Variants in ZNF430 observed in about 807,000 individuals in gnomAD.
ZNF430 encodes the protein zinc finger protein 430.
In ZNF430, 35 loss-of-function variants were observed where a neutral mutation model predicts 56.7. The observed-to-expected ratio is 0.62, with a 90% confidence interval of 0.47 to 0.82. The LOEUF is 0.82. Ranked by LOEUF, ZNF430 falls within the 40% of genes least tolerant of loss-of-function variation. The probability of loss-of-function intolerance (pLI) is 0.00; values close to 1 mark genes in which losing one functional copy is unlikely to be tolerated. For synonymous variants in ZNF430, 212 were observed against 224.3 expected (o/e 0.94, Z 0.49); for missense variants, 574 against 661.0 (o/e 0.87, Z 1.44).
Position 21,058,071 on chromosome 19 carries a change from A to T in ZNF430, c.*50A>T. On this transcript the variant is annotated 3_prime_UTR_variant, in exon 5 of 5. Transcript: ENST00000261560. Reference sequence around the variant, plus strand: ...GTCCTGAATTCTTACTAAACATAAGAACATTCATACTGAAGAGGAACCCTA... The same window carrying T: ...GTCCTGAATTCTTACTAAACATAAGTACATTCATACTGAAGAGGAACCCTA... The T allele has an allele frequency of 6.6e-7, 1 of 1,526,688 alleles. No homozygotes were observed. The highest frequency in any genetic ancestry group is 1.2e-5 in the South Asian group (1 of 82,168). 94.6% of individuals were successfully genotyped at this position (1,526,688 alleles called of 1,614,324 possible). A position where few individuals can be genotyped will look rare whatever the true frequency, so the allele number is the denominator to read the frequency against.
chr19:21,042,298 T>A (rs1410143748), intron 4 of ZNF430, among the ~76,000 whole-genome samples: 1 of 152,310 alleles, frequency 6.6e-6, no homozygotes, highest in African/African-American at 2.4e-5. Flanking sequence ...TATAACAGAA[T>A]TATTTATATT....
chr19:21,050,497 G>C (rs994029784), intron 4 of ZNF430, among the ~76,000 whole-genome samples: 3 of 151,878 alleles, frequency 2.0e-5, no homozygotes, highest in Non-Finnish European at 4.4e-5. Flanking sequence ...TATTTTTTAT[G>C]ACTTGTATAT....
chr19:21,039,138 C>T (rs1418595011), intron 4 of ZNF430, among the ~76,000 whole-genome samples: 3 of 151,772 alleles, frequency 2.0e-5, no homozygotes, highest in Non-Finnish European at 4.4e-5. Flanking sequence ...TTAGTAGAGA[C>T]GGGGCTTCAC....
intron 4 of ZNF430, chr19:21,035,513 G>A (rs1404171835): frequency 9.8e-6 from 2 of 203,532 alleles, no homozygotes; most frequent in Non-Finnish European, 2.1e-5. Context: ...TTTTAAAAAT[G>A]TTTTTGACTC....
rs143513786 is a variant in ZNF430, at chr19:21,030,217, C to T, written c.97-3239C>T. On this transcript the variant is annotated intron_variant, in intron 2 of 4. Transcript: ENST00000261560. ...AAATGTATACACAATAAAAATTTCTCTAAACTACATTAAACTTTTTCTATG... is the reference window on the plus strand; with the variant it reads ...AAATGTATACACAATAAAAATTTCTTTAAACTACATTAAACTTTTTCTATG... Among the ~76,000 whole-genome samples, 1,067 of 152,228 alleles carry T rather than the reference C, an allele frequency of 7.0e-3. 13 individuals are homozygous for T. Among genetic ancestry groups the T allele is most frequent in the African/African-American group, 0.023 (975 of 41,552 alleles).
In ZNF430 at chr19:21,033,446, T is replaced by C. The variant is rs1398187989; in HGVS notation, c.97-10T>C. Reference sequence around the variant, plus strand: ...AATATACGTGTGTCTTGTGTGCTTGTGTTTTTCAGGGGCCATTGACATTTA... The same window carrying C: ...AATATACGTGTGTCTTGTGTGCTTGCGTTTTTCAGGGGCCATTGACATTTA... On this transcript the variant is annotated splice_polypyrimidine_tract_variant and intron_variant, in intron 2 of 4. Coordinates refer to ENST00000261560, the MANE Select transcript of ZNF430 (RefSeq NM_025189.4). 1.9e-6 allele frequency: 3 copies of C among 1,606,672 alleles called. No homozygotes were observed. Among genetic ancestry groups the C allele is most frequent in the African/African-American group, 2.7e-5 (2 of 74,562 alleles).
intron 2 of ZNF430, among the ~76,000 whole-genome samples, chr19:21,030,188 A>C (rs1026927673): frequency 6.6e-6 from 1 of 152,220 alleles, no homozygotes; most frequent in Non-Finnish European, 1.5e-5. Context: ...AGCCACAAAC[A>C]AGTAAATGTA....
In ZNF430 at chr19:21,058,092, C is replaced by A. The variant is rs780897896; in HGVS notation, c.*71C>A. On this transcript the variant is annotated 3_prime_UTR_variant, in exon 5 of 5. Transcript: ENST00000261560. ...TAAGAACATTCATACTGAAGAGGAACCCTATGAGTGTGAAGAATATGGCAA... is the reference window on the plus strand; with the variant it reads ...TAAGAACATTCATACTGAAGAGGAAACCTATGAGTGTGAAGAATATGGCAA... The A allele has an allele frequency of 1.5e-6, 2 of 1,378,454 alleles. No individual in the cohort carries two copies. The highest frequency in any genetic ancestry group is 1.4e-5 in the South Asian group (1 of 73,746). The allele number at this position is 1,378,454 out of a possible 1,614,324, so 85.4% of individuals were successfully genotyped here.
At chr19:21,025,143 A>G (rs182919188) in intron 2 of ZNF430, among the ~76,000 whole-genome samples, 2 of 152,228 alleles carry the variant, frequency 1.3e-5, no homozygotes, top group Non-Finnish European at 2.9e-5. Flanking sequence ...CAGAAGGAAT[A>G]AAAGAATGGC....
At chr19:21,046,049 C>T (rs937017834) in intron 4 of ZNF430, among the ~76,000 whole-genome samples, 19 of 152,042 alleles carry the variant, frequency 1.2e-4, no homozygotes, top group African/African-American at 4.6e-4. Flanking sequence ...AGGCCAGCCA[C>T]GGTGGCTTAT....
At position 21,051,407 on chromosome 19, in the gene ZNF430, C is replaced by T; in HGVS notation, c.323-5224C>T. ...TGCATTCCTTTTACCTACTGGCTTT[C>T]AGTAGCAATGCTGCAATAATTATGG... is the stretch of plus-strand genomic sequence containing the variant. On this transcript the variant is annotated intron_variant, in intron 4 of 4. Coordinates refer to ENST00000261560, the MANE Select transcript of ZNF430 (RefSeq NM_025189.4). Among the ~76,000 whole-genome samples the T allele has an allele frequency of 1.4e-5, 2 of 147,956 alleles. 1 individual carries two copies. Among genetic ancestry groups the T allele is most frequent in the Non-Finnish European group, 3.0e-5 (2 of 66,512 alleles).
At chr19:21,055,719 A>T (rs116653453) in intron 4 of ZNF430, among the ~76,000 whole-genome samples, 2 of 152,008 alleles carry the variant, frequency 1.3e-5, no homozygotes, top group African/African-American at 2.4e-5. Flanking sequence ...CTCCCAAAGT[A>T]CTGGAATTAC....
chr19:21,023,601 A>T (rs912510981), intron 2 of ZNF430, among the ~76,000 whole-genome samples: 2 of 152,174 alleles, frequency 1.3e-5, no homozygotes, highest in East Asian at 3.9e-4. Context: ...AGCTTTTAGA[A>T]TGCTACCAAG....
chr19:21,057,579 C>G lies in ZNF430; in HGVS notation c.1271C>G (p.Thr424Ser), dbSNP rs778902529. 13 of 1,613,236 alleles carry G rather than the reference C, an allele frequency of 8.1e-6. No homozygotes were observed. The East Asian group carries it at 2.9e-4, about 36-fold the overall frequency. The change falls in exon 5 of 5, where the codon ACT becomes AGT. Residue 424 changes from threonine to serine, a missense_variant. Physicochemically the swap from Thr to Ser is moderately conservative, Grantham distance 58. This residue lies in a region of ZNF430 where 213 missense variants were observed against 221.0 expected (regional missense o/e 0.96). Coordinates refer to ENST00000261560, the MANE Select transcript of ZNF430 (RefSeq NM_025189.4). ...CTTACTAAACATAAAAGAATTCATA[C>G]TGGAGAGAAACCCTACAAATGTGAA... The part of the protein sequence containing the change: ...STLTKHKRIH[T>S]GEKPYKCEQC...
intron 4 of ZNF430, among the ~76,000 whole-genome samples, chr19:21,044,829 A>G (rs1451193076): frequency 6.6e-6 from 1 of 152,048 alleles, no homozygotes; most frequent in Admixed American, 6.6e-5. Context: ...GTGTCCAGTA[A>G]TTTATCTACT....
chr19:21,032,316 T>A (rs1967917970), intron 2 of ZNF430, among the ~76,000 whole-genome samples: 1 of 152,232 alleles, frequency 6.6e-6, no homozygotes, highest in African/African-American at 2.4e-5. Context: ...GATATCTGTA[T>A]TTTGAACTTT....
intron 1 of ZNF430, 56 bp downstream of exon 1, chr19:21,020,859 G>T: frequency 6.2e-7 from 1 of 1,611,928 alleles, no homozygotes; most frequent in Non-Finnish European, 8.5e-7. Flanking sequence ...TGTAATGGGT[G>T]GGAAGTGGCT....
intron 4 of ZNF430, among the ~76,000 whole-genome samples, chr19:21,055,466 T>G (rs1287548532): frequency 6.6e-6 from 1 of 151,956 alleles, no homozygotes; most frequent in Non-Finnish European, 1.5e-5. Context: ...TGTTTTTTTG[T>G]CAGACGGGGT....
chr19:21,031,350 A>T (rs1397391230), intron 2 of ZNF430, among the ~76,000 whole-genome samples: 1 of 150,752 alleles, frequency 6.6e-6, no homozygotes, highest in Non-Finnish European at 1.5e-5. Context: ...TTCAATATAC[A>T]TTCATGAGAG....
Sources: allele counts gnomAD v4.1 joint callset (sites outside exome capture counted in the v4.1 genomes callset), GRCh38; gene constraint gnomAD v4.1.1; regional missense constraint gnomAD v4.1.1; transcripts MANE v1.5; gene names NCBI Gene and HGNC (gene_info 2026-07-23, HGNC 2026-07-21).